Variants in BMAL2 observed in about 807,000 individuals in gnomAD.
BMAL2 encodes basic helix-loop-helix ARNT-like protein 2.
chr12:27,420,019 GCACACA>G, the BMAL2 span, among the ~76,000 whole-genome samples: 2,970 of 147,564 alleles, frequency 0.02, 91 homozygotes, highest in African/African-American at 0.071. Context: ...GTTTGCGCGT[GCACACA>G]CACACACACA....
At chr12:27,417,409 T>C in the BMAL2 span, among the ~76,000 whole-genome samples, 3 of 152,220 alleles carry the variant, frequency 2.0e-5, no homozygotes, top group African/African-American at 7.2e-5. Context: ...CTTTTTCTTC[T>C]TCATCCAAAA....
At chr12:27,334,057 T>G in the BMAL2 span, among the ~76,000 whole-genome samples, 2 of 152,228 alleles carry the variant, frequency 1.3e-5, no homozygotes, top group African/African-American at 4.8e-5. Flanking sequence ...GAGTTTTAGA[T>G]TCTTCTCTGA....
the BMAL2 span, chr12:27,389,234 A>G: frequency 6.2e-7 from 1 of 1,613,056 alleles, no homozygotes; most frequent in African/African-American, 1.3e-5. Context: ...GATGTTGCCA[A>G]AGTAAAGGAA....
chr12:27,345,194 C>T, the BMAL2 span, among the ~76,000 whole-genome samples: 1 of 152,186 alleles, frequency 6.6e-6, no homozygotes, highest in African/African-American at 2.4e-5. Flanking sequence ...TCAATTGGTG[C>T]AAACTGCAAC....
chr12:27,389,974 T>C, the BMAL2 span: 1 of 1,208,232 alleles, frequency 8.3e-7, no homozygotes, highest in Non-Finnish European at 1.2e-6. Flanking sequence ...AATCATGCCA[T>C]TGCTTTAAAA....
chr12:27,348,192 C>T, the BMAL2 span, among the ~76,000 whole-genome samples: 1 of 152,194 alleles, frequency 6.6e-6, no homozygotes, highest in East Asian at 1.9e-4. Flanking sequence ...TTTTACTTTC[C>T]CCTATAACTC....
the BMAL2 span, chr12:27,400,721 T>A: frequency 4.2e-5 from 67 of 1,613,140 alleles, no homozygotes; most frequent in Non-Finnish European, 5.7e-5. Flanking sequence ...TGAAACCAAC[T>A]GAATTTATAA....
At chr12:27,422,935 A>G in the BMAL2 span, 1 of 152,216 alleles carries the variant, frequency 6.6e-6, no homozygotes. Context: ...TGCCTCTCAC[A>G]GTGGCAGTTT....
the BMAL2 span, among the ~76,000 whole-genome samples, chr12:27,353,688 A>G: frequency 8.0e-4 from 122 of 152,326 alleles, no homozygotes; most frequent in Non-Finnish European, 1.5e-3. Flanking sequence ...AAAAGGTCAA[A>G]TATCCAGAAT....
At chr12:27,382,593 G>A in the BMAL2 span, among the ~76,000 whole-genome samples, 4 of 152,162 alleles carry the variant, frequency 2.6e-5, no homozygotes, top group Non-Finnish European at 4.4e-5. Context: ...ACTCATCCCC[G>A]CAGTCTGACC....
At chr12:27,394,568 A>G in the BMAL2 span, 2 of 152,194 alleles carry the variant, frequency 1.3e-5, no homozygotes, top group Non-Finnish European at 2.9e-5. Flanking sequence ...TCTCAAATCC[A>G]CAGGAACGAT....
the BMAL2 span, among the ~76,000 whole-genome samples, chr12:27,405,918 A>C: frequency 6.6e-6 from 1 of 152,370 alleles, no homozygotes; most frequent in South Asian, 2.1e-4. Context: ...TGGAGCTGAA[A>C]ACAACGGCAT....
chr12:27,419,384 G>T, the BMAL2 span, among the ~76,000 whole-genome samples: 1 of 152,178 alleles, frequency 6.6e-6, no homozygotes, highest in South Asian at 2.1e-4. Context: ...CATGGCGGAA[G>T]GCAGAAGGGC....
the BMAL2 span, chr12:27,400,700 A>C: frequency 6.2e-7 from 1 of 1,613,862 alleles, no homozygotes; most frequent in Non-Finnish European, 8.5e-7. Flanking sequence ...AGAACAGTGG[A>C]GAGATTAATG....
chr12:27,381,541 TA>T, the BMAL2 span, among the ~76,000 whole-genome samples: 1 of 152,112 alleles, frequency 6.6e-6, no homozygotes, highest in African/African-American at 2.4e-5. Flanking sequence ...GAGAACTCAC[TA>T]TTGTGACACA....
At chr12:27,370,213 A>G in the BMAL2 span, 2 of 1,613,522 alleles carry the variant, frequency 1.2e-6, no homozygotes, top group Non-Finnish European at 1.7e-6. Context: ...TAGAAATATC[A>G]GCCTCCAGTG....
chr12:27,411,476 C>T, the BMAL2 span, among the ~76,000 whole-genome samples: 131 of 151,936 alleles, frequency 8.6e-4, no homozygotes, highest in African/African-American at 3.1e-3. Context: ...AGATTAGCCA[C>T]GCATAGTGGG....
the BMAL2 span, chr12:27,380,526 G>T: frequency 9.3e-7 from 1 of 1,072,728 alleles, no homozygotes; most frequent in South Asian, 1.5e-5. Flanking sequence ...TTCAGCTTTA[G>T]AGGTATTCAC....
At chr12:27,346,061 A>C in the BMAL2 span, among the ~76,000 whole-genome samples, 1 of 152,200 alleles carries the variant, frequency 6.6e-6, no homozygotes, top group African/African-American at 2.4e-5. Flanking sequence ...TGAACAAATG[A>C]ATGAGCTTGG....
Sources: allele counts gnomAD v4.1 joint callset (sites outside exome capture counted in the v4.1 genomes callset), GRCh38; gene constraint gnomAD v4.1.1; transcripts MANE v1.5; gene names NCBI Gene and HGNC (gene_info 2026-07-23, HGNC 2026-07-21).